The following MYO3B variants were observed in gnomAD, a reference collection of about 807,000 sequenced individuals.
MYO3B encodes the protein myosin-IIIb.
A neutral mutation model predicts 174.6 loss-of-function variants in MYO3B; 156 were observed. That is an observed-to-expected ratio of 0.89 (90% confidence interval 0.78 to 1.02). MYO3B has a LOEUF of 1.02. MYO3B is among the 50% of genes least tolerant of loss of function. The pLI, the probability that MYO3B is intolerant of heterozygous loss-of-function variation, is 0.00. For missense variants in MYO3B, 1,632 were observed against 1,639.4 expected (o/e 1.00, Z 0.08); for synonymous variants, 563 against 569.1 (o/e 0.99, Z 0.15).
At chr2:170,463,611 C>T (rs772730434) in intron 24 of MYO3B, among the ~76,000 whole-genome samples, 166 bp downstream of exon 24, 2 of 152,164 alleles carry the variant, frequency 1.3e-5, no homozygotes, top group Non-Finnish European at 1.5e-5. Context: ...ACATTGGGCA[C>T]AAAACCCTGC....
chr2:170,588,062 G>A (rs1444767955), intron 32 of MYO3B, among the ~76,000 whole-genome samples: 5 of 152,052 alleles, frequency 3.3e-5, no homozygotes, highest in Non-Finnish European at 5.9e-5. Flanking sequence ...TTGGTTGGGG[G>A]GAGTGTTGAA....
At chr2:170,558,404 A>T (rs1480527328) in intron 32 of MYO3B, among the ~76,000 whole-genome samples, 1 of 152,046 alleles carries the variant, frequency 6.6e-6, no homozygotes, top group Non-Finnish European at 1.5e-5. Context: ...AGTCCTTGCC[A>T]GTGCCACAGA....
At chr2:170,429,283 C>T (rs1380747964) in intron 22 of MYO3B, among the ~76,000 whole-genome samples, 1 of 152,206 alleles carries the variant, frequency 6.6e-6, no homozygotes, top group Non-Finnish European at 1.5e-5. Flanking sequence ...TGAGATTTTA[C>T]TTAAGACTTT....
At chr2:170,501,512 G>A (rs1304850672) in intron 27 of MYO3B, among the ~76,000 whole-genome samples, 2 of 152,088 alleles carry the variant, frequency 1.3e-5, no homozygotes, top group Non-Finnish European at 2.9e-5. Context: ...CTGGAGTAGG[G>A]GTCCCATGTG....
chr2:170,210,086 G>A (rs67191664), intron 3 of MYO3B, among the ~76,000 whole-genome samples: 47,295 of 152,022 alleles, frequency 0.31, 8,141 homozygotes, highest in Admixed American at 0.47. Flanking sequence ...TTTGCCAAAC[G>A]ATGACTCAGA....
rs556113932 is a variant in MYO3B, at chr2:170,331,341, A to G, written c.750-4044A>G. On this transcript the variant is annotated intron_variant, in intron 7 of 34. Coordinates refer to ENST00000408978, the MANE Select transcript of MYO3B (RefSeq NM_138995.5). ...TATTTTTATGTTATAAAGAAATTCCAGCTACCAAGTACAAGAGGGATTAGA... is the reference window on the plus strand; with the variant it reads ...TATTTTTATGTTATAAAGAAATTCCGGCTACCAAGTACAAGAGGGATTAGA... Among the ~76,000 whole-genome samples the G allele has an allele frequency of 2.6e-5, 4 of 152,326 alleles. No individual in the cohort carries two copies. The East Asian group carries it at 7.7e-4, about 29-fold the overall frequency.
chr2:170,543,495 C>G (rs183512390), intron 31 of MYO3B, among the ~76,000 whole-genome samples: 1 of 152,218 alleles, frequency 6.6e-6, no homozygotes, highest in Non-Finnish European at 1.5e-5. Context: ...AAACAAAATC[C>G]TTTGGATGAT....
At chr2:170,447,188 A>G (rs1046098917) in intron 23 of MYO3B, among the ~76,000 whole-genome samples, 5 of 152,166 alleles carry the variant, frequency 3.3e-5, no homozygotes, top group African/African-American at 9.7e-5. Context: ...CCTAAGTCCC[A>G]TGTTTGGGGA....
intron 7 of MYO3B, among the ~76,000 whole-genome samples, chr2:170,309,566 G>T (rs1243678009): frequency 6.6e-6 from 1 of 152,102 alleles, no homozygotes; most frequent in African/African-American, 2.4e-5. Flanking sequence ...CTTCATGAGG[G>T]TGATTATTTG....
intron 1 of MYO3B, among the ~76,000 whole-genome samples, chr2:170,190,925 C>A (rs1006093498): frequency 5.9e-5 from 9 of 151,794 alleles, no homozygotes; most frequent in Non-Finnish European, 1.2e-4. Context: ...GGAGTCCCTC[C>A]CCATTGCTAC....
chr2:170,250,860 G>A (rs891145442), intron 7 of MYO3B, among the ~76,000 whole-genome samples: 1 of 151,886 alleles, frequency 6.6e-6, no homozygotes, highest in Admixed American at 6.6e-5. Flanking sequence ...CCACTGTCCC[G>A]AGCCAAATTT....
In MYO3B at chr2:170,456,319, T is replaced by C. The variant is rs545298164; in HGVS notation, c.2731-7049T>C. Among the ~76,000 whole-genome samples, 24 of 152,336 alleles carry C rather than the reference T, an allele frequency of 1.6e-4. No individual in the cohort carries two copies. The South Asian group carries it at 4.8e-3, about 30-fold the overall frequency. ...CAGACTGCAGCCCTTCTTCCTGTGA[T>C]AGGAGTTTAGTTAATGAAAAACTCA... On this transcript the variant is annotated intron_variant, in intron 23 of 34. Coordinates refer to ENST00000408978, the MANE Select transcript of MYO3B (RefSeq NM_138995.5).
chr2:170,590,071 T>C (rs545354890), intron 32 of MYO3B, among the ~76,000 whole-genome samples: 24 of 152,252 alleles, frequency 1.6e-4, no homozygotes, highest in Non-Finnish European at 2.8e-4. Flanking sequence ...TGTCTAGGTT[T>C]GTGTAAGTAC....
intron 22 of MYO3B, among the ~76,000 whole-genome samples, chr2:170,417,170 A>G (rs2094586062): frequency 6.6e-6 from 1 of 152,072 alleles, no homozygotes; most frequent in Non-Finnish European, 1.5e-5. Flanking sequence ...TGTCACCTCC[A>G]AAGAGAGGTC....
At chr2:170,414,589 T>G (rs1172850536) in intron 22 of MYO3B, among the ~76,000 whole-genome samples, 1 of 152,214 alleles carries the variant, frequency 6.6e-6, no homozygotes, top group Non-Finnish European at 1.5e-5. Flanking sequence ...ATATAAATTT[T>G]AAATGCAGCT....
chr2:170,387,396 GTTC>G, intron 14 of MYO3B, 88 bp downstream of exon 14: 1 of 1,224,304 alleles, frequency 8.2e-7, no homozygotes. Context: ...TTTCATTCTT[GTTC>G]TTAACATTCC....
intron 9 of MYO3B, among the ~76,000 whole-genome samples, chr2:170,374,033 TA>T (rs1192076895): frequency 2.0e-5 from 3 of 152,210 alleles, no homozygotes; most frequent in Non-Finnish European, 4.4e-5. Flanking sequence ...AATCAGTGTC[TA>T]AGATAATGCA....
At position 170,523,179 on chromosome 2, in the gene MYO3B, C is replaced by A. The variant is rs181941031; in HGVS notation, c.3575+3639C>A. Among the ~76,000 whole-genome samples, 496 of 152,316 alleles carry A rather than the reference C, an allele frequency of 3.3e-3. 14 individuals are homozygous for A. In the South Asian group the frequency reaches 0.065, roughly 20 times the overall value. On this transcript the variant is annotated intron_variant, in intron 30 of 34. Transcript: ENST00000408978. Reference sequence around the variant, plus strand: ...TCTCAACAGTGAGGACTGAGTCTTACTCTTTCTTGTATCCGATATACACAA... The same window carrying A: ...TCTCAACAGTGAGGACTGAGTCTTAATCTTTCTTGTATCCGATATACACAA...
chr2:170,641,407 A>G (rs577749148), intron 32 of MYO3B: 2 of 152,324 alleles, frequency 1.3e-5, no homozygotes, highest in South Asian at 4.1e-4. Context: ...AAAACAAATC[A>G]TAAGTTTTTA....
Sources: allele counts gnomAD v4.1 joint callset (sites outside exome capture counted in the v4.1 genomes callset), GRCh38; gene constraint gnomAD v4.1.1; transcripts MANE v1.5; gene names NCBI Gene and HGNC (gene_info 2026-07-23, HGNC 2026-07-21).